PRKCE: variants seen among roughly 807,000 people sequenced by gnomAD.
PRKCE encodes protein kinase C epsilon type.
In PRKCE, 16 loss-of-function variants were observed where a neutral mutation model predicts 85.4. The observed-to-expected ratio is 0.19, with a 90% CI of 0.13 to 0.28. PRKCE has a LOEUF of 0.28. Ranked by LOEUF, PRKCE falls within the 10% of genes least tolerant of loss-of-function variation. The pLI, the probability that PRKCE is intolerant of heterozygous loss-of-function variation, is 1.00. For synonymous variants in PRKCE, 388 were observed against 371.5 expected, an observed-to-expected ratio of 1.04 and a Z score of -0.51; for missense variants, 573 against 975.2, an observed-to-expected ratio of 0.59 and a Z score of 5.49.
chr2:46,119,281 A>G (rs1673080250), intron 11 of PRKCE, among the ~76,000 whole-genome samples: 2 of 151,582 alleles, frequency 1.3e-5, no homozygotes, highest in Admixed American at 1.3e-4. Context: ...GTGAAAGAGA[A>G]AAAAAAAGGG....
intron 1 of PRKCE, among the ~76,000 whole-genome samples, chr2:45,749,496 A>G (rs1039168849): frequency 2.6e-5 from 4 of 152,244 alleles, no homozygotes; most frequent in African/African-American, 9.6e-5. Context: ...AATGTCTGAC[A>G]TAAACTAAGA....
At chr2:45,925,943 C>T (rs1045076957) in intron 2 of PRKCE, among the ~76,000 whole-genome samples, 4 of 152,294 alleles carry the variant, frequency 2.6e-5, no homozygotes, top group Middle Eastern at 3.4e-3. Context: ...GGGTGCGATT[C>T]GGTGGGGGAG....
rs1198146028 is a variant in PRKCE at position 46,159,689 on chromosome 2, C to T, written c.2004C>T (p.Phe668=). The change falls in exon 14 of 15, where the codon TTC becomes TTT. Residue 668 remains phenylalanine (F), a synonymous_variant. Coordinates refer to ENST00000306156, the MANE Select transcript of PRKCE (RefSeq NM_005400.3). The surrounding 1 kb of genome is among the most constrained non-coding windows in gnomAD (Gnocchi z 4.1). ...GEDAIKQHPF[F]KEIDWVLLEQ... ...ACGCCATCAAGCAGCACCCATTCTT[C>T]AAAGAGATTGACTGGGTGCTCCTGG... is the stretch of plus-strand genomic sequence containing the variant. 6.3e-7 allele frequency: 1 copy of T among 1,599,462 alleles called. No individual in the cohort carries two copies. Among genetic ancestry groups the T allele is most frequent in the African/African-American group, 1.3e-5 (1 of 75,046 alleles).
In PRKCE at chr2:45,903,678, A is replaced by G. The variant is rs777176130; in HGVS notation, c.412+60615A>G. ...TCTGGTAACCCCATGTAAGATGTTCAGGGAAGCCTAGACACACAGACCAGA... is the reference window on the plus strand; with the variant it reads ...TCTGGTAACCCCATGTAAGATGTTCGGGGAAGCCTAGACACACAGACCAGA... On this transcript the variant is annotated intron_variant, in intron 2 of 14. Coordinates refer to ENST00000306156, the MANE Select transcript of PRKCE (RefSeq NM_005400.3). 2.6e-5 allele frequency among the ~76,000 whole-genome samples: 4 copies of G among 152,222 alleles called. No individual in the cohort carries two copies. The East Asian group carries it at 7.7e-4, about 29-fold the overall frequency.
intron 1 of PRKCE, among the ~76,000 whole-genome samples, chr2:45,773,614 A>G (rs1685516140): frequency 6.6e-6 from 1 of 152,148 alleles, no homozygotes; most frequent in Non-Finnish European, 1.5e-5. Context: ...CTCACTGTGT[A>G]ATTGGGACTT....
At chr2:46,142,127 T>C (rs912014982) in intron 11 of PRKCE, among the ~76,000 whole-genome samples, 4 of 152,074 alleles carry the variant, frequency 2.6e-5, no homozygotes, top group Non-Finnish European at 4.4e-5. Flanking sequence ...AGGGAAGGAC[T>C]AGCTCTTTCT....
chr2:45,991,459 G>A (rs1229033537), intron 6 of PRKCE, among the ~76,000 whole-genome samples: 3 of 152,098 alleles, frequency 2.0e-5, no homozygotes, highest in Non-Finnish European at 2.9e-5. Flanking sequence ...AATCCTCCGT[G>A]CATAGTTATA....
chr2:45,737,608 C>T (rs1682188245), intron 1 of PRKCE, among the ~76,000 whole-genome samples: 1 of 151,418 alleles, frequency 6.6e-6, no homozygotes, highest in South Asian at 2.1e-4. Context: ...TGTAGATGTT[C>T]CCCAAGCGTC....
chr2:46,075,103 T>A (rs1668441560), intron 10 of PRKCE, among the ~76,000 whole-genome samples: 1 of 152,100 alleles, frequency 6.6e-6, no homozygotes, highest in African/African-American at 2.4e-5. Context: ...TGCAGTGGCG[T>A]GATCTCGGCT....
intron 1 of PRKCE, among the ~76,000 whole-genome samples, chr2:45,752,109 G>A (rs558610381): frequency 6.6e-6 from 1 of 152,168 alleles, no homozygotes; most frequent in East Asian, 1.9e-4. Flanking sequence ...GAGCCACCGC[G>A]CCCGGCAGCT....
At chr2:45,777,854 C>T (rs542660022) in intron 1 of PRKCE, among the ~76,000 whole-genome samples, 1 of 152,110 alleles carries the variant, frequency 6.6e-6, no homozygotes, top group Admixed American at 6.5e-5. Context: ...GAGGTATGAT[C>T]TTTTTGGAGA....
chr2:45,697,242 G>T lies in PRKCE; in HGVS notation c.348+44794G>T. Among the ~76,000 whole-genome samples, 1 of 151,826 alleles carries T rather than the reference G, an allele frequency of 6.6e-6. No homozygotes were observed. The highest frequency in any genetic ancestry group is 1.9e-4 in the East Asian group (1 of 5,160). ...GGAGGGCCTGTGTAGGTGAAGAGGG[G>T]GCGCACCCCACTGGCTGGCCTGGCC... On this transcript the variant is annotated intron_variant, in intron 1 of 14. Coordinates refer to ENST00000306156, the MANE Select transcript of PRKCE (RefSeq NM_005400.3). The surrounding 1 kb of genome is among the most constrained non-coding windows in gnomAD (Gnocchi z 4.2).
chr2:46,090,065 A>T (rs1296206364), intron 11 of PRKCE, among the ~76,000 whole-genome samples: 2 of 152,184 alleles, frequency 1.3e-5, no homozygotes, highest in Non-Finnish European at 2.9e-5. Flanking sequence ...GGGTGAAAAC[A>T]GAATGGTCAT....
chr2:45,935,691 A>G (rs1419823210), intron 2 of PRKCE, among the ~76,000 whole-genome samples: 1 of 152,028 alleles, frequency 6.6e-6, no homozygotes, highest in African/African-American at 2.4e-5. Flanking sequence ...ATGCTGAGGC[A>G]GAAGAATTGC....
chr2:45,685,898 T>C (rs1222716067), intron 1 of PRKCE, among the ~76,000 whole-genome samples: 1 of 152,212 alleles, frequency 6.6e-6, no homozygotes, highest in Non-Finnish European at 1.5e-5. Flanking sequence ...TCACTGCCTA[T>C]CCACGGATAG....
At chr2:45,869,704 C>CTTTTTTTT (rs1246509613) in intron 2 of PRKCE, among the ~76,000 whole-genome samples, 4 of 116,892 alleles carry the variant, frequency 3.4e-5, no homozygotes, top group Admixed American at 2.1e-4. Context: ...GTTTCTCTCT[C>CTTTTTTTT]TCTTTTTTTT....
intron 11 of PRKCE, among the ~76,000 whole-genome samples, chr2:46,097,548 C>T (rs1205618502): frequency 6.8e-6 from 1 of 146,140 alleles, no homozygotes; most frequent in Non-Finnish European, 1.5e-5. Context: ...GCTGTGAAGT[C>T]TGACTTTGGT....
At chr2:45,884,882 C>G (rs1695129739) in intron 2 of PRKCE, among the ~76,000 whole-genome samples, 1 of 148,130 alleles carries the variant, frequency 6.8e-6, no homozygotes, top group African/African-American at 2.5e-5. Context: ...ATTGTCTGCA[C>G]CTGTGCATAT....
intron 1 of PRKCE, among the ~76,000 whole-genome samples, chr2:45,713,108 G>A (rs1272910861): frequency 6.6e-6 from 1 of 151,994 alleles, no homozygotes. Flanking sequence ...TATCTCCCTG[G>A]GCCTCAGTTT....
Sources: allele counts gnomAD v4.1 joint callset (sites outside exome capture counted in the v4.1 genomes callset), GRCh38; gene constraint gnomAD v4.1.1; non-coding constraint Gnocchi (gnomAD v3.1); transcripts MANE v1.5; gene names NCBI Gene and HGNC (gene_info 2026-07-23, HGNC 2026-07-21).